The following INPP4B variants were observed in gnomAD, a reference collection of about 807,000 sequenced individuals.
INPP4B encodes the protein inositol polyphosphate-4-phosphatase type II B.
INPP4B carries 55 observed loss-of-function variants against 122.5 expected under a neutral mutation model. The ratio of observed to expected loss-of-function variants is 0.45; its 90% CI spans 0.36 to 0.56. INPP4B has a LOEUF of 0.56. INPP4B is among the 20% of genes least tolerant of loss of function. INPP4B has a pLI of 0.00. For synonymous variants in INPP4B, 403 were observed against 388.7 expected (o/e 1.04, Z -0.43); for missense variants, 1,000 against 1,097.7 (o/e 0.91, Z 1.26).
chr4:142,333,022 A>AC (rs1196450644), intron 7 of INPP4B, among the ~76,000 whole-genome samples: 4 of 150,674 alleles, frequency 2.7e-5, no homozygotes, highest in African/African-American at 9.8e-5. Flanking sequence ...AAAAAAAAAA[A>AC]AAAAACAAAA....
At chr4:142,812,353 T>A (rs983578962) in intron 1 of INPP4B, among the ~76,000 whole-genome samples, 1 of 152,334 alleles carries the variant, frequency 6.6e-6, no homozygotes, top group South Asian at 2.1e-4. Context: ...AGAGAAACAT[T>A]GCACTTTTTT....
chr4:142,628,060 G>A (rs905113120), intron 2 of INPP4B, among the ~76,000 whole-genome samples: 30 of 151,640 alleles, frequency 2.0e-4, no homozygotes, highest in African/African-American at 7.0e-4. Context: ...CCCATTACTG[G>A]GTATATACCC....
chr4:142,420,338 GAA>G (rs1337505720), intron 5 of INPP4B, among the ~76,000 whole-genome samples: 1 of 152,082 alleles, frequency 6.6e-6, no homozygotes, highest in East Asian at 1.9e-4. Context: ...AAGTGGGAGA[GAA>G]AAGTTTGAGG....
rs551317766 is a variant in INPP4B at position 142,597,197 on chromosome 4, G to A, written c.-191+128642C>T. ...TATCTTACCCCCGGAACTTGTAGGA[G>A]TTCCTGTTTATTATTATTCTGTCTT... is the stretch of plus-strand genomic sequence containing the variant. On this transcript the variant is annotated intron_variant, in intron 2 of 25. Transcript: ENST00000262992. Among the ~76,000 whole-genome samples, 19 of 152,298 alleles carry A rather than the reference G, an allele frequency of 1.2e-4. 1 individual carries two copies. The South Asian group carries it at 3.7e-3, about 30-fold the overall frequency.
chr4:142,190,805 T>C (rs1352809359), intron 15 of INPP4B, among the ~76,000 whole-genome samples: 5 of 151,884 alleles, frequency 3.3e-5, no homozygotes, highest in African/African-American at 1.2e-4. Context: ...AAGGAAAATA[T>C]TTATGCAAAT....
intron 2 of INPP4B, among the ~76,000 whole-genome samples, chr4:142,470,667 G>A (rs1195084711): frequency 2.0e-5 from 3 of 152,182 alleles, no homozygotes; most frequent in Non-Finnish European, 4.4e-5. Flanking sequence ...GCCAGCATGT[G>A]GGAGGCATGC....
At chr4:142,228,711 TAAA>T (rs1243912215) in intron 12 of INPP4B, among the ~76,000 whole-genome samples, 2 of 151,764 alleles carry the variant, frequency 1.3e-5, no homozygotes, top group African/African-American at 4.8e-5. Flanking sequence ...AATTTTATAA[TAAA>T]AATAAATTTT....
At chr4:142,037,531 A>C (rs984656085) in intron 25 of INPP4B, among the ~76,000 whole-genome samples, 1 of 152,184 alleles carries the variant, frequency 6.6e-6, no homozygotes, top group African/African-American at 2.4e-5. Flanking sequence ...AAAATTACCA[A>C]TTAAAACTGA....
chr4:142,138,523 A>T (rs1805934361), intron 18 of INPP4B, among the ~76,000 whole-genome samples: 1 of 151,836 alleles, frequency 6.6e-6, no homozygotes, highest in Non-Finnish European at 1.5e-5. Context: ...GTACCCTAAA[A>T]CTTAGAGTAT....
intron 11 of INPP4B, among the ~76,000 whole-genome samples, chr4:142,240,285 G>T (rs75410530): frequency 6.6e-6 from 1 of 151,352 alleles, no homozygotes; most frequent in African/African-American, 2.4e-5. Context: ...CAAGCTATCC[G>T]CCCATTTCTG....
At chr4:142,164,659 C>T (rs574386288) in intron 16 of INPP4B, among the ~76,000 whole-genome samples, 87 of 151,864 alleles carry the variant, frequency 5.7e-4, no homozygotes, top group African/African-American at 2.0e-3. Context: ...AATTACAGTG[C>T]CTACCTCTCA....
chr4:142,443,895 A>C (rs1812356916), intron 3 of INPP4B, among the ~76,000 whole-genome samples: 1 of 152,134 alleles, frequency 6.6e-6, no homozygotes, highest in Non-Finnish European at 1.5e-5. Context: ...AGAAGAGGAG[A>C]AGGATGAAAA....
intron 1 of INPP4B, among the ~76,000 whole-genome samples, chr4:142,781,833 A>G (rs1774873104): frequency 6.6e-6 from 1 of 152,098 alleles, no homozygotes. Flanking sequence ...TGCATAAGAA[A>G]ATAAGCATGT....
intron 2 of INPP4B, among the ~76,000 whole-genome samples, chr4:142,548,540 C>T (rs1490755039): frequency 1.3e-5 from 2 of 152,096 alleles, no homozygotes. Context: ...TCCATAACAA[C>T]TCACCTAAAT....
intron 1 of INPP4B, among the ~76,000 whole-genome samples, chr4:142,754,422 C>A (rs1351157233): frequency 6.6e-6 from 1 of 151,942 alleles, no homozygotes; most frequent in Admixed American, 6.6e-5. Context: ...GTGGTATATA[C>A]CTGCTTTTTC....
intron 10 of INPP4B, among the ~76,000 whole-genome samples, chr4:142,265,182 A>C (rs1742169707): frequency 6.6e-6 from 1 of 152,134 alleles, no homozygotes; most frequent in Non-Finnish European, 1.5e-5. Context: ...TTTAAGCCAT[A>C]CAGTTTATGG....
chr4:142,753,492 C>A (rs1411158957), intron 1 of INPP4B, among the ~76,000 whole-genome samples: 3 of 151,970 alleles, frequency 2.0e-5, no homozygotes, highest in Non-Finnish European at 2.9e-5. Flanking sequence ...ATGATAAAGA[C>A]CAGGTCAGCC....
intron 25 of INPP4B, among the ~76,000 whole-genome samples, chr4:142,042,649 G>A (rs1008919117): frequency 5.3e-5 from 8 of 152,052 alleles, no homozygotes; most frequent in Non-Finnish European, 8.8e-5. Flanking sequence ...TGCAACCTCC[G>A]CCTCCCGGGT....
intron 2 of INPP4B, among the ~76,000 whole-genome samples, chr4:142,676,660 A>G (rs1358545609): frequency 6.6e-6 from 1 of 152,174 alleles, no homozygotes; most frequent in East Asian, 1.9e-4. Flanking sequence ...CCAATGGAAC[A>G]TAACAGAGCC....
Sources: gnomAD v4.1 joint callset for allele counts (sites outside exome capture counted in the v4.1 genomes callset) on GRCh38, gnomAD v4.1.1 for gene constraint, MANE v1.5 for transcripts, NCBI Gene and HGNC (gene_info 2026-07-23, HGNC 2026-07-21) for gene names.